RNFT2: variants seen among roughly 807,000 people sequenced by gnomAD.
RNFT2 encodes E3 ubiquitin-protein ligase RNFT2.
RNFT2 carries 36 observed loss-of-function variants against 53.0 expected under a neutral mutation model. That is an observed-to-expected ratio of 0.68 (90% CI 0.52 to 0.90). The LOEUF is 0.90. RNFT2 is among the 40% of genes least tolerant of loss of function. RNFT2 has a pLI of 0.00. For synonymous variants in RNFT2, 260 were observed against 253.2 expected (o/e 1.03, Z -0.26); for missense variants, 514 against 585.6 (o/e 0.88, Z 1.26).
chr12:116,766,150 C>G (rs1872906971), intron 5 of RNFT2, among the ~76,000 whole-genome samples: 1 of 151,984 alleles, frequency 6.6e-6, no homozygotes, highest in Non-Finnish European at 1.5e-5. Flanking sequence ...GGTATAGTGA[C>G]ACCTGCCTGT....
Position 116,852,852 on chromosome 12 carries a change from C to T in RNFT2, c.*3404C>T. ...GTATTACCTGCTGGAACCAAGGAAA[C>T]TAACAATGTAGGTTACTAGTGAATA... On this transcript the variant is annotated 3_prime_UTR_variant, in exon 11 of 11. Transcript: ENST00000257575. 2.6e-6 allele frequency: 2 copies of T among 775,964 alleles called. No homozygotes were observed. The highest frequency in any genetic ancestry group is 4.3e-6 in the Non-Finnish European group (2 of 468,810). The allele number at this position is 775,964 out of a possible 1,614,324, so 48.1% of individuals were successfully genotyped here. A position where few individuals can be genotyped will look rare whatever the true frequency, so the allele number is the denominator to read the frequency against.
In RNFT2 at chr12:116,852,497, C is replaced by T. The variant is rs1406372992; in HGVS notation, c.*3049C>T. On this transcript the variant is annotated 3_prime_UTR_variant, in exon 11 of 11. Transcript: ENST00000257575. ...CGATGGCCATGATGTTACAATCCCA[C>T]TTGCCTGAATAATCAAGTGGGAAGG... is the stretch of plus-strand genomic sequence containing the variant. 2 of 1,505,920 alleles carry T rather than the reference C, an allele frequency of 1.3e-6. No homozygotes were observed. Among genetic ancestry groups the T allele is most frequent in the African/African-American group, 2.8e-5 (2 of 71,900 alleles). The allele number at this position is 1,505,920 out of a possible 1,614,324, so 93.3% of individuals were successfully genotyped here. A position where few individuals can be genotyped will look rare whatever the true frequency, so the allele number is the denominator to read the frequency against.
rs1270365934 is a variant in RNFT2 at position 116,851,328 on chromosome 12, G to A, written c.*1880G>A. 1 of 164,152 alleles carries A rather than the reference G, an allele frequency of 6.1e-6. No homozygotes were observed. Among genetic ancestry groups the A allele is most frequent in the Non-Finnish European group, 1.3e-5 (1 of 74,924 alleles). 10.2% of individuals were successfully genotyped at this position (164,152 alleles called of 1,614,324 possible). Reference sequence around the variant, plus strand: ...TGATCCTCCCTCCTCAGCCTCCCAAGCAGCTGCAACTACAGGCACACTCCG... The same window carrying A: ...TGATCCTCCCTCCTCAGCCTCCCAAACAGCTGCAACTACAGGCACACTCCG... On this transcript the variant is annotated 3_prime_UTR_variant, in exon 11 of 11. Coordinates refer to ENST00000257575, the MANE Select transcript of RNFT2 (RefSeq NM_001382266.1).
intron 7 of RNFT2, among the ~76,000 whole-genome samples, chr12:116,791,755 T>C (rs1237546214): frequency 6.6e-6 from 1 of 152,256 alleles, no homozygotes; most frequent in Non-Finnish European, 1.5e-5. Flanking sequence ...CAGACAAGTA[T>C]CTGTTTGAAC....
intron 7 of RNFT2, among the ~76,000 whole-genome samples, chr12:116,785,193 T>G (rs1256435142): frequency 1.3e-5 from 2 of 150,912 alleles, no homozygotes; most frequent in African/African-American, 4.9e-5. Flanking sequence ...AGTTCAGAAG[T>G]CTCTTCTAGA....
Position 116,849,781 on chromosome 12 carries a change from TTTTTCTTTTC to T in RNFT2, c.*342_*351del. On this transcript the variant is annotated 3_prime_UTR_variant, in exon 11 of 11. Coordinates refer to ENST00000257575, the MANE Select transcript of RNFT2 (RefSeq NM_001382266.1). ...CACTTGTTGGTTATTTTCTCTTTCTTTTTTCTTTTCTTTTCTTTCTCTCTCTCTCTGTTTC... is the reference window on the plus strand; with the variant it reads ...CACTTGTTGGTTATTTTCTCTTTCTTTTTTCTTTCTCTCTCTCTCTGTTTC... The T allele has an allele frequency of 6.4e-6, 7 of 1,100,604 alleles. No homozygotes were observed. The highest frequency in any genetic ancestry group is 7.8e-6 in the Non-Finnish European group (7 of 900,064). The allele number at this position is 1,100,604 out of a possible 1,614,324, so 68.2% of individuals were successfully genotyped here.
chr12:116,741,939 C>T (rs1871627954), intron 3 of RNFT2, among the ~76,000 whole-genome samples: 1 of 152,164 alleles, frequency 6.6e-6, no homozygotes, highest in Admixed American at 6.5e-5. Flanking sequence ...GTGTGAACCA[C>T]TGCACCTGGC....
chr12:116,849,371 C>T lies in RNFT2; in HGVS notation c.1258C>T (p.Leu420Phe), dbSNP rs978434112. Reference sequence around the variant, plus strand: ...GCTGGACCGTGAGCGCACCTGCCCGCTCTGCCGCTCGGTCGCCGTGGACAC... The same window carrying T: ...GCTGGACCGTGAGCGCACCTGCCCGTTCTGCCGCTCGGTCGCCGTGGACAC... ...LWLDRERTCP[L>F]CRSVAVDTLR... The change falls in exon 11 of 11, where the codon CTC becomes TTC. Residue 420 changes from leucine (L) to phenylalanine (F), a missense_variant. Physicochemically the swap from Leu to Phe is conservative, Grantham distance 22. Coordinates refer to ENST00000257575, the MANE Select transcript of RNFT2 (RefSeq NM_001382266.1). 4.5e-6 allele frequency: 7 copies of T among 1,552,294 alleles called. No individual in the cohort carries two copies. Among genetic ancestry groups the T allele is most frequent in the Non-Finnish European group, 4.3e-6 (5 of 1,152,446 alleles).
chr12:116,758,392 C>T (rs1182485628), intron 5 of RNFT2, among the ~76,000 whole-genome samples: 1 of 152,060 alleles, frequency 6.6e-6, no homozygotes, highest in Non-Finnish European at 1.5e-5. Context: ...TTGGTTTTTT[C>T]ATTTTTTGTT....
intron 7 of RNFT2, among the ~76,000 whole-genome samples, chr12:116,790,358 A>G (rs1211972695): frequency 3.4e-5 from 5 of 148,146 alleles, no homozygotes; most frequent in African/African-American, 1.3e-4. Context: ...CAGTAAATAG[A>G]AACCCCTGTA....
intron 5 of RNFT2, among the ~76,000 whole-genome samples, chr12:116,756,571 A>G (rs953979317): frequency 2.6e-5 from 4 of 152,182 alleles, no homozygotes; most frequent in African/African-American, 7.2e-5. Context: ...CTTTTTCTGC[A>G]TCTATTGAAA....
At position 116,779,290 on chromosome 12, in the gene RNFT2, T is replaced by C; in HGVS notation, c.824T>C (p.Ile275Thr). 2 of 1,614,010 alleles carry C rather than the reference T, an allele frequency of 1.2e-6. No homozygotes were observed. Among genetic ancestry groups the C allele is most frequent in the Non-Finnish European group, 1.7e-6 (2 of 1,179,898 alleles). ...IADFVLKYIT[I>T]ALKCLIVALP... ...GACTTTGTTCTGAAGTACATCACCA[T>C]CGCCCTCAAGTGCCTCATCGTGGCC... The change falls in exon 7 of 11, where the codon ATC becomes ACC. Residue 275 changes from isoleucine (I) to threonine (T), a missense_variant. Physicochemically the swap from Ile to Thr is moderately conservative, Grantham distance 89. Coordinates refer to ENST00000257575, the MANE Select transcript of RNFT2 (RefSeq NM_001382266.1).
chr12:116,783,057 C>T (rs1397246839), intron 7 of RNFT2, among the ~76,000 whole-genome samples: 1 of 152,124 alleles, frequency 6.6e-6, no homozygotes, highest in Non-Finnish European at 1.5e-5. Context: ...ATGTTGGCTA[C>T]CAGGGTGATG....
At chr12:116,760,139 C>T (rs1284988381) in intron 5 of RNFT2, among the ~76,000 whole-genome samples, 1 of 152,112 alleles carries the variant, frequency 6.6e-6, no homozygotes, top group Non-Finnish European at 1.5e-5. Flanking sequence ...GGAAAGCTGG[C>T]AGTCACAGGC....
At chr12:116,806,381 A>C (rs9737621) in intron 7 of RNFT2, among the ~76,000 whole-genome samples, 1 of 133,470 alleles carries the variant, frequency 7.5e-6, no homozygotes, top group Non-Finnish European at 1.5e-5. Flanking sequence ...AAAAAAAAAA[A>C]ATATATATAT....
chr12:116,816,849 T>G (rs1875708233), intron 7 of RNFT2, among the ~76,000 whole-genome samples: 1 of 152,204 alleles, frequency 6.6e-6, no homozygotes, highest in East Asian at 1.9e-4. Flanking sequence ...CAAATACTCG[T>G]GTACCCAGCT....
At chr12:116,771,596 T>C (rs1446763303) in intron 6 of RNFT2, among the ~76,000 whole-genome samples, 1 of 151,756 alleles carries the variant, frequency 6.6e-6, no homozygotes, top group Non-Finnish European at 1.5e-5. Flanking sequence ...CAGTGCTTTT[T>C]AAATAATGTT....
At chr12:116,800,617 G>C (rs996687839) in intron 7 of RNFT2, among the ~76,000 whole-genome samples, 4 of 144,174 alleles carry the variant, frequency 2.8e-5, no homozygotes, top group Non-Finnish European at 6.0e-5. Context: ...TTGGGTGACA[G>C]AGCAAGACTC....
intron 10 of RNFT2, among the ~76,000 whole-genome samples, chr12:116,844,524 C>T (rs747998870): frequency 4.6e-5 from 7 of 152,164 alleles, no homozygotes; most frequent in Admixed American, 1.3e-4. Context: ...CGTGAGCTAC[C>T]GTGCCTGGCC....
Sources: gnomAD v4.1 joint callset for allele counts (sites outside exome capture counted in the v4.1 genomes callset) on GRCh38, gnomAD v4.1.1 for gene constraint, MANE v1.5 for transcripts, NCBI Gene and HGNC (gene_info 2026-07-23, HGNC 2026-07-21) for gene names.